Variants in GPHN observed in about 807,000 individuals in gnomAD.
GPHN encodes gephyrin.
A neutral mutation model predicts 95.5 loss-of-function variants in GPHN; 17 were observed. That is an observed-to-expected ratio of 0.18 (90% confidence interval 0.12 to 0.27). The LOEUF (loss-of-function observed/expected upper bound fraction) is 0.27. Ranked by LOEUF, GPHN falls within the 10% of genes least tolerant of loss-of-function variation. The pLI, the probability that GPHN is intolerant of heterozygous loss-of-function variation, is 1.00. For synonymous variants in GPHN, 320 were observed against 322.5 expected (o/e 0.99, Z 0.08); for missense variants, 660 against 978.1 (o/e 0.67, Z 4.34).
At chr14:67,636,978 C>T in the GPHN span, among the ~76,000 whole-genome samples, 1 of 152,190 alleles carries the variant, frequency 6.6e-6, no homozygotes, top group African/African-American at 2.4e-5. Flanking sequence ...TTCCCACAGG[C>T]ATAACAGCCA....
intron 4 of GPHN, among the ~76,000 whole-genome samples, chr14:66,830,218 A>G (rs1035724106): frequency 5.5e-4 from 83 of 152,140 alleles, no homozygotes; most frequent in African/African-American, 1.9e-3. Context: ...TCTCACTTTT[A>G]CCTTTGGTTC....
At chr14:67,600,201 C>CA in the GPHN span, 1 of 1,573,262 alleles carries the variant, frequency 6.4e-7, no homozygotes, top group Admixed American at 1.8e-5. Flanking sequence ...GCTCATCCTC[C>CA]ATGACGCCCC....
At chr14:66,656,578 C>A (rs2065319704) in intron 1 of GPHN, among the ~76,000 whole-genome samples, 1 of 152,012 alleles carries the variant, frequency 6.6e-6, no homozygotes, top group African/African-American at 2.4e-5. Context: ...CTGTCAGTGC[C>A]ATTTTTTCAA....
At chr14:67,321,308 A>G in the GPHN span, 4 of 1,575,098 alleles carry the variant, frequency 2.5e-6, 1 homozygote, top group Non-Finnish European at 3.5e-6. Context: ...GGAATGTCAT[A>G]TAGAGTAATC....
chr14:66,816,150 C>T (rs1177617894), intron 3 of GPHN, among the ~76,000 whole-genome samples: 1 of 152,110 alleles, frequency 6.6e-6, no homozygotes, highest in Non-Finnish European at 1.5e-5. Flanking sequence ...AGCACCCACA[C>T]TCATAAAGTA....
chr14:66,633,011 C>T (rs1718636191), intron 1 of GPHN, among the ~76,000 whole-genome samples: 2 of 152,214 alleles, frequency 1.3e-5, no homozygotes, highest in Non-Finnish European at 1.5e-5. Context: ...AGGCCTTCTT[C>T]ACAACGTCAT....
chr14:67,012,340 A>C (rs983285963), intron 9 of GPHN, among the ~76,000 whole-genome samples: 2 of 152,026 alleles, frequency 1.3e-5, no homozygotes, highest in African/African-American at 4.8e-5. Flanking sequence ...TAAACAACAA[A>C]AATTGTATTC....
the GPHN span, chr14:67,559,691 G>A: frequency 6.2e-7 from 1 of 1,600,106 alleles, no homozygotes; most frequent in Non-Finnish European, 8.5e-7. Context: ...AGTTGGCAAA[G>A]GTGGGTTGGA....
At chr14:67,296,613 A>AAAAAG in the GPHN span, among the ~76,000 whole-genome samples, 2 of 149,844 alleles carry the variant, frequency 1.3e-5, no homozygotes, top group East Asian at 1.9e-4. Flanking sequence ...AAAAAAAAAA[A>AAAAAG]GATGGTGTCT....
chr14:67,728,346 G>C, the GPHN span: 14 of 152,254 alleles, frequency 9.2e-5, no homozygotes, highest in Admixed American at 6.5e-4. Context: ...CCTGTGAGGT[G>C]GGTGCTATTA....
the GPHN span, among the ~76,000 whole-genome samples, chr14:67,231,874 TAGG>T: frequency 6.6e-6 from 1 of 150,812 alleles, no homozygotes; most frequent in East Asian, 2.0e-4. Flanking sequence ...GAGGCTGAGG[TAGG>T]AGAATTGCTT....
At chr14:66,792,367 G>T (rs1382249581) in intron 3 of GPHN, among the ~76,000 whole-genome samples, 1 of 151,872 alleles carries the variant, frequency 6.6e-6, no homozygotes, top group Admixed American at 6.6e-5. Flanking sequence ...ATACAAATTA[G>T]CTAGGCATGT....
intron 9 of GPHN, among the ~76,000 whole-genome samples, chr14:66,978,889 C>A (rs929491282): frequency 6.6e-6 from 1 of 152,158 alleles, no homozygotes; most frequent in Non-Finnish European, 1.5e-5. Flanking sequence ...ACTTCTTGAT[C>A]TGTAGGGTGA....
intron 2 of GPHN, among the ~76,000 whole-genome samples, chr14:66,748,313 C>G (rs2058236387): frequency 6.6e-6 from 1 of 151,948 alleles, no homozygotes; most frequent in African/African-American, 2.4e-5. Flanking sequence ...TAATAACATA[C>G]TTTTAATTGA....
chr14:66,631,356 G>A (rs1002102864), intron 1 of GPHN, among the ~76,000 whole-genome samples: 1 of 152,058 alleles, frequency 6.6e-6, no homozygotes, highest in African/African-American at 2.4e-5. Flanking sequence ...CGGCACAGTC[G>A]TCCTTTTTAA....
rs138188247 is a variant in GPHN, at chr14:66,540,295, G to A, written c.64+31704G>A. On this transcript the variant is annotated intron_variant, in intron 1 of 22. Transcript: ENST00000478722. ...TCTTAAAACTTCTGCTTGGATGTTT[G>A]TTTATATACCATTGGCCAAAGCAAA... Among the ~76,000 whole-genome samples the A allele has an allele frequency of 7.3e-3, 1,118 of 152,250 alleles. 4 individuals are homozygous for A. Among genetic ancestry groups the A allele is most frequent in the Admixed American group, 9.6e-3 (147 of 15,302 alleles).
intron 1 of GPHN, among the ~76,000 whole-genome samples, chr14:66,551,780 G>C (rs1383010118): frequency 6.6e-6 from 1 of 152,222 alleles, no homozygotes; most frequent in Non-Finnish European, 1.5e-5. Context: ...AGGAGGAAGA[G>C]AAAGAAGGAG....
chr14:66,646,491 A>G (rs920057983), intron 1 of GPHN, among the ~76,000 whole-genome samples: 1 of 152,194 alleles, frequency 6.6e-6, no homozygotes, highest in Non-Finnish European at 1.5e-5. Flanking sequence ...AGAGATACTG[A>G]TATGCCCATG....
At chr14:66,560,142 G>C (rs542113009) in intron 1 of GPHN, among the ~76,000 whole-genome samples, 1 of 152,052 alleles carries the variant, frequency 6.6e-6, no homozygotes, top group Non-Finnish European at 1.5e-5. Context: ...GGTTACTGTA[G>C]CCTTGTAGTA....
Sources: allele counts gnomAD v4.1 joint callset (sites outside exome capture counted in the v4.1 genomes callset), GRCh38; gene constraint gnomAD v4.1.1; transcripts MANE v1.5; gene names NCBI Gene and HGNC (gene_info 2026-07-23, HGNC 2026-07-21).